The following PLPP2 variants were observed in gnomAD, a reference collection of about 807,000 sequenced individuals.
The protein encoded by PLPP2 is phospholipid phosphatase 2.
A neutral mutation model predicts 35.2 loss-of-function variants in PLPP2; 29 were observed. The ratio of observed to expected loss-of-function variants is 0.82; its 90% CI spans 0.61 to 1.12. The LOEUF (loss-of-function observed/expected upper bound fraction) is 1.12. Among genes scored for constraint, PLPP2 ranks in the 50% most tolerant of loss-of-function variants. The pLI is 0.00. For missense variants in PLPP2, 353 were observed against 375.2 expected (o/e 0.94, Z 0.49); for synonymous variants, 162 against 167.0 (o/e 0.97, Z 0.23).
At chr19:290,244 C>A (rs1341407318) in intron 1 of PLPP2, among the ~76,000 whole-genome samples, 2 of 152,202 alleles carry the variant, frequency 1.3e-5, no homozygotes, top group Non-Finnish European at 2.9e-5. Flanking sequence ...CTGTACCTCC[C>A]GCTGCTGTGT....
intron 3 of PLPP2, chr19:283,061 G>A (rs1970211380): frequency 2.1e-6 from 1 of 465,740 alleles, no homozygotes; most frequent in Non-Finnish European, 3.8e-6. Context: ...ACCCAGGGCA[G>A]ACAATCATGT....
rs764103211 is a variant in PLPP2, at chr19:287,447, G to A, written c.482+27C>T. The A allele has an allele frequency of 6.3e-7, 1 of 1,590,680 alleles. No homozygotes were observed. ...CTTCTTCAGCTCCCATTCCCCACAA[G>A]AGTGAAGGCTGCTGGTCCACACCCA... On this transcript the variant is annotated intron_variant, in intron 3 of 5. Coordinates refer to ENST00000434325, the MANE Select transcript of PLPP2 (RefSeq NM_003712.4). The surrounding 1 kb of genome is among the most constrained non-coding windows in gnomAD (Gnocchi z 4.3).
intron 1 of PLPP2, among the ~76,000 whole-genome samples, chr19:289,986 G>T (rs902194910): frequency 6.6e-6 from 1 of 152,122 alleles, no homozygotes; most frequent in Non-Finnish European, 1.5e-5. Flanking sequence ...AACTAGAGAC[G>T]CAGGCACCCC....
At chr19:286,837 T>C (rs951130138) in intron 3 of PLPP2, 1 of 152,176 alleles carries the variant, frequency 6.6e-6, no homozygotes, top group Non-Finnish European at 1.5e-5. Context: ...TGGTGGCACG[T>C]TCCTGTAGTC....
At position 283,033 on chromosome 19, in the gene PLPP2, C is replaced by G. The variant is rs1046765510; in HGVS notation, c.483-224G>C. ...ATGAGATGCCTCATCCGTGAAGACT[C>G]TGAGGCCTGAACCCAAAACCCAGGG... On this transcript the variant is annotated intron_variant, in intron 3 of 5. Coordinates refer to ENST00000434325, the MANE Select transcript of PLPP2 (RefSeq NM_003712.4). The G allele has an allele frequency of 6.0e-5, 33 of 549,392 alleles. 1 individual carries two copies. Among genetic ancestry groups the G allele is most frequent in the Middle Eastern group, 9.6e-4 (2 of 2,092 alleles). The allele number at this position is 549,392 out of a possible 1,614,324, so 34.0% of individuals were successfully genotyped here.
intron 1 of PLPP2, 82 bp downstream of exon 1, chr19:291,203 T>A: frequency 1.3e-6 from 2 of 1,586,592 alleles, no homozygotes; most frequent in Non-Finnish European, 1.7e-6. Flanking sequence ...AGCCTCCGCG[T>A]TCCCCTGCAA....
chr19:281,400 G>A lies in PLPP2; in HGVS notation c.855C>T (p.His285=), dbSNP rs1192042288. The change falls in exon 6 of 6, where the codon CAC becomes CAT. Residue 285 remains histidine (H), a synonymous_variant. Coordinates refer to ENST00000434325, the MANE Select transcript of PLPP2 (RefSeq NM_003712.4). ...EADHNHYGYP[H]SSS ...GCGGGGTCCGGCCTCAGGAGGAGGA[G>A]TGCGGGTATCCATAGTGGTTGTGGT... The A allele has an allele frequency of 2.1e-6, 3 of 1,438,126 alleles. No individual in the cohort carries two copies. The highest frequency in any genetic ancestry group is 1.5e-5 in the African/African-American group (1 of 68,626). 89.1% of individuals were successfully genotyped at this position (1,438,126 alleles called of 1,614,324 possible).
chr19:288,807 G>A (rs1019516707), intron 1 of PLPP2, among the ~76,000 whole-genome samples: 2 of 152,230 alleles, frequency 1.3e-5, no homozygotes, highest in Non-Finnish European at 2.9e-5. Flanking sequence ...ACCGGCACCA[G>A]GAGGGGCCTA....
At position 287,830 on chromosome 19, in the gene PLPP2, G is replaced by A. The variant is rs1034143376; in HGVS notation, c.205-79C>T. ...CACTCCTCCGCACGGGCCTCCCCAA[G>A]GCTGCTGGAGAGCTGGGGACTCTGA... On this transcript the variant is annotated intron_variant, in intron 2 of 5. Coordinates refer to ENST00000434325, the MANE Select transcript of PLPP2 (RefSeq NM_003712.4). The surrounding 1 kb of genome is among the most constrained non-coding windows in gnomAD (Gnocchi z 4.3). 2 of 1,559,592 alleles carry A rather than the reference G, an allele frequency of 1.3e-6. No homozygotes were observed. Among genetic ancestry groups the A allele is most frequent in the African/African-American group, 2.7e-5 (2 of 73,628 alleles).
chr19:282,815 G>A lies in PLPP2; in HGVS notation c.483-6C>T. 6.2e-7 allele frequency: 1 copy of A among 1,613,406 alleles called. No homozygotes were observed. On this transcript the variant is annotated splice_polypyrimidine_tract_variant and splice_region_variant and intron_variant, in intron 3 of 5. Transcript: ENST00000434325. ...GTCCCGAGTAGAAAGACAACCTGAG[G>A]AAGGAGAAGGGGCAGGTGGCTCACT...
intron 1 of PLPP2, among the ~76,000 whole-genome samples, chr19:290,216 C>T (rs984555126): frequency 6.6e-6 from 1 of 152,198 alleles, no homozygotes; most frequent in African/African-American, 2.4e-5. Flanking sequence ...ACAGCAGCAA[C>T]AGCCAACCCC....
In PLPP2 at chr19:281,507, G is replaced by C; in HGVS notation, c.748C>G (p.Arg250Gly). ...TCCTTCAGACAGTGCTGTGGGGGTC[G>C]GGCTTTGAAGAAGTCTGAGATGTAG... ...VCYISDFFKA[R>G]PPQHCLKEEE... The change falls in exon 6 of 6, where the codon CGA becomes GGA. Residue 250 changes from arginine (R) to glycine (G), a missense_variant. Arg to Gly is a moderately radical substitution (Grantham distance 125). Coordinates refer to ENST00000434325, the MANE Select transcript of PLPP2 (RefSeq NM_003712.4). The C allele has an allele frequency of 2.0e-6, 3 of 1,523,678 alleles. No homozygotes were observed. The highest frequency in any genetic ancestry group is 2.6e-6 in the Non-Finnish European group (3 of 1,134,662). The allele number at this position is 1,523,678 out of a possible 1,614,324, so 94.4% of individuals were successfully genotyped here. A position where few individuals can be genotyped will look rare whatever the true frequency, so the allele number is the denominator to read the frequency against.
At chr19:288,203 G>C in intron 1 of PLPP2, 32 bp from the exon 2 acceptor site, 1 of 1,546,450 alleles carries the variant, frequency 6.5e-7, no homozygotes, top group Non-Finnish European at 8.8e-7. Context: ...GGAGCTGTGA[G>C]GTTCTCTCAC....
chr19:287,591 C>T lies in PLPP2; in HGVS notation c.365G>A (p.Arg122His), dbSNP rs748207340. Reference sequence around the variant, plus strand: ...GACGGCTAGGAAGTTGGGCCTCAGACGCCCAATCATGTACTTGGCCAGGTC... The same window carrying T: ...GACGGCTAGGAAGTTGGGCCTCAGATGCCCAATCATGTACTTGGCCAGGTC... ...LTDLAKYMIG[R>H]LRPNFLAVCD... The change falls in exon 3 of 6, where the codon CGT (arginine) becomes CAT (histidine). Residue 122 changes from arginine (R) to histidine (H), a missense_variant. By Grantham distance (29) the Arg-to-His change is conservative. Coordinates refer to ENST00000434325, the MANE Select transcript of PLPP2 (RefSeq NM_003712.4). The surrounding 1 kb of genome is among the most constrained non-coding windows in gnomAD (Gnocchi z 4.3). The T allele has an allele frequency of 1.7e-5, 28 of 1,613,786 alleles. No homozygotes were observed. The highest frequency in any genetic ancestry group is 3.3e-5 in the South Asian group (3 of 91,090).
chr19:289,315 A>G (rs989309266), intron 1 of PLPP2, among the ~76,000 whole-genome samples: 8 of 152,206 alleles, frequency 5.3e-5, no homozygotes, highest in Admixed American at 5.2e-4. Flanking sequence ...TCCTCCCGAC[A>G]TGCTAACTCC....
rs1207948398 is a variant in PLPP2 at position 281,351 on chromosome 19, G to A, written c.*37C>T. The A allele has an allele frequency of 1.5e-6, 2 of 1,375,046 alleles. No individual in the cohort carries two copies. The highest frequency in any genetic ancestry group is 1.5e-5 in the African/African-American group (1 of 67,174). 85.2% of individuals were successfully genotyped at this position (1,375,046 alleles called of 1,614,324 possible). A position where few individuals can be genotyped will look rare whatever the true frequency, so the allele number is the denominator to read the frequency against. On this transcript the variant is annotated 3_prime_UTR_variant, in exon 6 of 6. Transcript: ENST00000434325. ...GGACCACCTGGGTGGGCCTCAGCTG[G>A]ACTCACAGCAGCTCCCTGCCTGGGC...
chr19:282,834 G>A lies in PLPP2; in HGVS notation c.483-25C>T, dbSNP rs779642827. The A allele has an allele frequency of 3.1e-6, 5 of 1,609,874 alleles. No individual in the cohort carries two copies. The East Asian group carries it at 6.7e-5, about 22-fold the overall frequency. ...CCTGAGGAAGGAGAAGGGGCAGGTG[G>A]CTCACTCAGCGCCTTCCAACCTCCC... On this transcript the variant is annotated intron_variant, in intron 3 of 5. Coordinates refer to ENST00000434325, the MANE Select transcript of PLPP2 (RefSeq NM_003712.4).
rs1025764280 is a variant in PLPP2 at position 287,879 on chromosome 19, A to G, written c.205-128T>C. ...GAAGGGGGCCCTATTACCCACAGGTACCACTCAGGGCAAGGCTGTGTCCCC... is the reference window on the plus strand; with the variant it reads ...GAAGGGGGCCCTATTACCCACAGGTGCCACTCAGGGCAAGGCTGTGTCCCC... On this transcript the variant is annotated intron_variant, in intron 2 of 5. Coordinates refer to ENST00000434325, the MANE Select transcript of PLPP2 (RefSeq NM_003712.4). This position sits in a 1 kb window ranked among gnomAD's most constrained non-coding sequence, Gnocchi z 4.3. The G allele has an allele frequency of 2.7e-6, 4 of 1,507,304 alleles. No individual in the cohort carries two copies. Among genetic ancestry groups the G allele is most frequent in the South Asian group, 2.6e-5 (2 of 77,772 alleles). 93.4% of individuals were successfully genotyped at this position (1,507,304 alleles called of 1,614,324 possible).
chr19:287,239 G>A lies in PLPP2; in HGVS notation c.482+235C>T, dbSNP rs1304634144. The A allele has an allele frequency of 1.9e-6, 1 of 517,218 alleles. No individual in the cohort carries two copies. The highest frequency in any genetic ancestry group is 1.9e-5 in the African/African-American group (1 of 52,596). The allele number at this position is 517,218 out of a possible 1,614,324, so 32.0% of individuals were successfully genotyped here. A position where few individuals can be genotyped will look rare whatever the true frequency, so the allele number is the denominator to read the frequency against. ...TTCAAAAATATATAACAATTACAAA[G>A]GTAAATGTACTAAACAACAGAACCC... On this transcript the variant is annotated intron_variant, in intron 3 of 5. Transcript: ENST00000434325. This position sits in a 1 kb window ranked among gnomAD's most constrained non-coding sequence, Gnocchi z 4.3.
Sources: allele counts gnomAD v4.1 joint callset (sites outside exome capture counted in the v4.1 genomes callset), GRCh38; gene constraint gnomAD v4.1.1; non-coding constraint Gnocchi (gnomAD v3.1); transcripts MANE v1.5; gene names NCBI Gene and HGNC (gene_info 2026-07-23, HGNC 2026-07-21).